The following RAD18 variants were observed in gnomAD, a reference collection of about 807,000 sequenced individuals.
RAD18 encodes the protein RAD18 E3 ubiquitin protein ligase.
In RAD18, 47 loss-of-function variants were observed where a neutral mutation model predicts 60.4. The observed-to-expected ratio is 0.78, with a 90% CI of 0.62 to 0.99. RAD18 has a LOEUF of 0.99. Among genes scored for constraint, RAD18 ranks in the 50% least tolerant of loss-of-function variants. The probability of loss-of-function intolerance (pLI) is 0.00; values close to 1 mark genes in which losing one functional copy is unlikely to be tolerated. For synonymous variants in RAD18, 225 were observed against 195.5 expected, an observed-to-expected ratio of 1.15 and a Z score of -1.26; for missense variants, 640 against 593.3, an observed-to-expected ratio of 1.08 and a Z score of -0.82.
chr3:8,941,420 T>G, intron 5 of RAD18, 47 bp downstream of exon 5: 1 of 1,442,374 alleles, frequency 6.9e-7, no homozygotes. Context: ...TTATGTCATG[T>G]GGATGAAAAG....
chr3:8,938,569 C>T (rs1940692078), intron 6 of RAD18, among the ~76,000 whole-genome samples: 2 of 152,120 alleles, frequency 1.3e-5, no homozygotes, highest in African/African-American at 4.8e-5. Flanking sequence ...TGAATTATCA[C>T]CTATTATCTT....
chr3:8,903,840 T>C (rs565750880), intron 9 of RAD18, among the ~76,000 whole-genome samples: 10 of 152,200 alleles, frequency 6.6e-5, no homozygotes, highest in Non-Finnish European at 1.0e-4. Context: ...AAATCAACAA[T>C]GTACTTGTTA....
intron 6 of RAD18, among the ~76,000 whole-genome samples, chr3:8,936,555 C>A (rs1273590955): frequency 6.6e-6 from 1 of 152,164 alleles, no homozygotes; most frequent in East Asian, 1.9e-4. Context: ...AGGTTCTCTA[C>A]CTGGCTCAGC....
At chr3:8,902,315 T>C (rs1162453593) in intron 10 of RAD18, 65 bp downstream of exon 10, 6 of 1,356,698 alleles carry the variant, frequency 4.4e-6, no homozygotes, top group East Asian at 2.7e-5. Context: ...TTTGGTTTAA[T>C]TTTTTCATAT....
At position 8,899,046 on chromosome 3, in the gene RAD18, T is replaced by C; in HGVS notation, c.1170A>G (p.Gly390=). ...STEKLSSVCM[G]QEDNMTSVTN... is the part of the protein sequence containing the mutation. ...TTACTGAGGTCATATTATCTTCCTG[T>C]CCTAGGAAAAAATAAATTTAAGAGT... The change falls in exon 11 of 13, where the codon GGA becomes GGG. Residue 390 remains glycine, a splice_region_variant and synonymous_variant. Coordinates refer to ENST00000264926, the MANE Select transcript of RAD18 (RefSeq NM_020165.4). The C allele has an allele frequency of 6.4e-7, 1 of 1,571,584 alleles. No homozygotes were observed. Among genetic ancestry groups the C allele is most frequent in the Middle Eastern group, 1.7e-4 (1 of 5,864 alleles).
chr3:8,924,900 C>T (rs1348232408), intron 7 of RAD18, among the ~76,000 whole-genome samples: 1 of 152,026 alleles, frequency 6.6e-6, no homozygotes, highest in African/African-American at 2.4e-5. Context: ...CTCTGGGACA[C>T]ATTTAAAGCA....
chr3:8,920,419 CAGAAA>C (rs1302335882), intron 7 of RAD18, among the ~76,000 whole-genome samples: 22 of 151,884 alleles, frequency 1.4e-4, no homozygotes, highest in African/African-American at 5.3e-4. Flanking sequence ...GCAACTATCA[CAGAAA>C]AGAATAGTTT....
intron 7 of RAD18, among the ~76,000 whole-genome samples, chr3:8,930,134 C>G (rs1487147547): frequency 6.6e-6 from 1 of 152,126 alleles, no homozygotes. Context: ...ATGTTCATAA[C>G]AGCATTATTT....
chr3:8,949,777 T>C (rs758876301), intron 2 of RAD18, among the ~76,000 whole-genome samples: 4 of 151,942 alleles, frequency 2.6e-5, no homozygotes, highest in Non-Finnish European at 4.4e-5. Context: ...AGTGCTGGGG[T>C]GGGAGAACCT....
rs144368916 is a variant in RAD18 at position 8,896,925 on chromosome 3, A to C, written c.1322+1969T>G. Among the ~76,000 whole-genome samples the C allele has an allele frequency of 8.2e-4, 125 of 152,338 alleles. 2 individuals carry two copies. Among genetic ancestry groups the C allele is most frequent in the Middle Eastern group, 3.4e-3 (1 of 294 alleles). ...TAGTCAATCACTTTAAATTCTTATA[A>C]AAAGTAAACTGCTGTATTTTTTTAA... On this transcript the variant is annotated intron_variant, in intron 11 of 12. Transcript: ENST00000264926.
chr3:8,936,075 C>T lies in RAD18; in HGVS notation c.705-20G>A. 2.1e-6 allele frequency: 3 copies of T among 1,458,566 alleles called. No individual in the cohort carries two copies. Among genetic ancestry groups the T allele is most frequent in the South Asian group, 1.5e-5 (1 of 68,772 alleles). 90.4% of individuals were successfully genotyped at this position (1,458,566 alleles called of 1,614,324 possible). ...ACAGAACTGAAAAGGGGGGAAGATACCTGATGATTATTGTGAATTATCAAA... is the reference window on the plus strand; with the variant it reads ...ACAGAACTGAAAAGGGGGGAAGATATCTGATGATTATTGTGAATTATCAAA... On this transcript the variant is annotated intron_variant, in intron 6 of 12. Transcript: ENST00000264926.
At chr3:8,929,873 C>T (rs1940520426) in intron 7 of RAD18, among the ~76,000 whole-genome samples, 1 of 152,204 alleles carries the variant, frequency 6.6e-6, no homozygotes, top group African/African-American at 2.4e-5. Flanking sequence ...CAAATCCTGA[C>T]CTCAGGTGAT....
intron 9 of RAD18, 115 bp from the exon 10 acceptor site, chr3:8,902,635 T>G: frequency 9.4e-7 from 1 of 1,059,386 alleles, no homozygotes; most frequent in Non-Finnish European, 1.3e-6. Flanking sequence ...CTTACGCCTG[T>G]AATCCCAGCA....
rs901123458 is a variant in RAD18, at chr3:8,881,446, C to G, written c.1399G>C (p.Asp467His). 1.2e-6 allele frequency: 2 copies of G among 1,608,860 alleles called. No homozygotes were observed. Among genetic ancestry groups the G allele is most frequent in the East Asian group, 2.2e-5 (1 of 44,822 alleles). ...TTCTGTCTTGGACTTATTTCTGTGT[C>G]TTGAAGATCGTTTCTGAAGACAGAA... ...WEASHKNDLQ[D>H]TEISPRQNRR... The change falls in exon 13 of 13, where the codon GAC becomes CAC. Residue 467 changes from aspartate (D) to histidine (H), a missense_variant. Coordinates refer to ENST00000264926, the MANE Select transcript of RAD18 (RefSeq NM_020165.4).
intron 9 of RAD18, among the ~76,000 whole-genome samples, chr3:8,909,009 A>T (rs148385065): frequency 9.1e-4 from 138 of 152,310 alleles, no homozygotes; most frequent in African/African-American, 3.0e-3. Context: ...TAGAGATCAC[A>T]ATGGGTTTCC....
chr3:8,881,015 G>A lies in RAD18; in HGVS notation c.*342C>T, dbSNP rs1939450158. The A allele has an allele frequency of 4.7e-6, 1 of 213,498 alleles. No homozygotes were observed. Among genetic ancestry groups the A allele is most frequent in the African/African-American group, 2.4e-5 (1 of 42,466 alleles). The allele number at this position is 213,498 out of a possible 1,614,324, so 13.2% of individuals were successfully genotyped here. On this transcript the variant is annotated 3_prime_UTR_variant, in exon 13 of 13. Transcript: ENST00000264926. ...TTCTCCATGGAAGAGAAGGAGAATG[G>A]CCTAAGGACATTCTGAAATTTAATT...
chr3:8,954,473 A>T (rs552489385), intron 2 of RAD18, among the ~76,000 whole-genome samples: 2 of 152,350 alleles, frequency 1.3e-5, no homozygotes, highest in South Asian at 4.1e-4. Context: ...GCACTTGGGC[A>T]TATTAGTCTA....
Position 8,881,222 on chromosome 3 carries a change from G to A in RAD18, c.*135C>T. 2.7e-6 allele frequency: 2 copies of A among 730,974 alleles called. No homozygotes were observed. The highest frequency in any genetic ancestry group is 3.9e-5 in the South Asian group (2 of 50,732). 45.3% of individuals were successfully genotyped at this position (730,974 alleles called of 1,614,324 possible). A position where few individuals can be genotyped will look rare whatever the true frequency, so the allele number is the denominator to read the frequency against. ...TTTTCCCCTCTGGAAAAGCAGAAAAGAATGAATATCAGCTAACCGTAATAT... is the reference window on the plus strand; with the variant it reads ...TTTTCCCCTCTGGAAAAGCAGAAAAAAATGAATATCAGCTAACCGTAATAT... On this transcript the variant is annotated 3_prime_UTR_variant, in exon 13 of 13. Coordinates refer to ENST00000264926, the MANE Select transcript of RAD18 (RefSeq NM_020165.4).
intron 3 of RAD18, among the ~76,000 whole-genome samples, chr3:8,948,136 G>A (rs1940865575): frequency 6.6e-6 from 1 of 152,180 alleles, no homozygotes; most frequent in African/African-American, 2.4e-5. Flanking sequence ...GCCGGATTAA[G>A]CCCAACAGCC....
Sources: gnomAD v4.1 joint callset for allele counts (sites outside exome capture counted in the v4.1 genomes callset) on GRCh38, gnomAD v4.1.1 for gene constraint, MANE v1.5 for transcripts, NCBI Gene and HGNC (gene_info 2026-07-23, HGNC 2026-07-21) for gene names.